Variants in IL1RAPL2 observed in about 807,000 individuals in gnomAD.
IL1RAPL2 encodes the protein interleukin 1 receptor accessory protein like 2, also known as X-linked interleukin-1 receptor accessory protein-like 2.
In IL1RAPL2, 3 loss-of-function variants were observed where a neutral mutation model predicts 44.1. That is an observed-to-expected ratio of 0.07 (90% CI 0.03 to 0.18). The LOEUF (loss-of-function observed/expected upper bound fraction) is 0.18, where lower values mean the gene tolerates loss of function less well. Ranked by LOEUF, IL1RAPL2 falls within the 10% of genes least tolerant of loss-of-function variation. IL1RAPL2 has a pLI of 1.00. For synonymous variants in IL1RAPL2, 181 were observed against 178.8 expected (o/e 1.01, Z -0.10); for missense variants, 391 against 496.4 (o/e 0.79, Z 2.02).
intron 6 of IL1RAPL2, among the ~76,000 whole-genome samples, chrX:105,580,741 G>A (rs962060325): frequency 9.0e-6 from 1 of 111,609 alleles, no homozygotes; most frequent in Non-Finnish European, 1.9e-5. Flanking sequence ...GGCATTGGCA[G>A]CTCTTTTAAT....
At chrX:104,609,700 C>A (rs893021691) in intron 1 of IL1RAPL2, among the ~76,000 whole-genome samples, 12 of 111,936 alleles carry the variant, frequency 1.1e-4, no homozygotes, top group African/African-American at 3.6e-4. Flanking sequence ...TCAGCCCCAT[C>A]AGGTCATTTG....
At position 105,321,858 on chromosome X, in the gene IL1RAPL2, A is replaced by G. The variant is rs750481088; in HGVS notation, c.697+54317A>G. On this transcript the variant is annotated intron_variant, in intron 5 of 10. Transcript: ENST00000372582. ...GAGATTGCTACAAAGGCTATCCAGT[A>G]TAAGCAATTGCTGAGTAACCAACAC... Among the ~76,000 whole-genome samples the G allele has an allele frequency of 8.0e-5, 9 of 113,052 alleles. No individual in the cohort carries two copies. The South Asian group carries it at 1.4e-3, about 18-fold the overall frequency.
At chrX:104,692,448 C>T (rs945922075) in intron 2 of IL1RAPL2, among the ~76,000 whole-genome samples, 19 of 109,166 alleles carry the variant, frequency 1.7e-4, no homozygotes, top group Non-Finnish European at 3.0e-4. Flanking sequence ...TGTGCTGCAC[C>T]CATTAACTCG....
At chrX:105,148,216 A>G (rs1207976632) in intron 2 of IL1RAPL2, among the ~76,000 whole-genome samples, 2 of 111,286 alleles carry the variant, frequency 1.8e-5, no homozygotes, top group Non-Finnish European at 3.8e-5. Flanking sequence ...CCATATATGG[A>G]CAGAGCTAAT....
At chrX:104,735,662 T>C (rs1956605078) in intron 2 of IL1RAPL2, among the ~76,000 whole-genome samples, 1 of 111,694 alleles carries the variant, frequency 9.0e-6, no homozygotes, top group African/African-American at 3.3e-5. Flanking sequence ...TGTGAATTGC[T>C]TTGTCTTTGA....
intron 5 of IL1RAPL2, among the ~76,000 whole-genome samples, chrX:105,466,307 GT>G (rs1279620101): frequency 9.2e-6 from 1 of 108,772 alleles, no homozygotes; most frequent in African/African-American, 3.4e-5. Context: ...GAAAACATAT[GT>G]TTTTAGCATA....
intron 2 of IL1RAPL2, among the ~76,000 whole-genome samples, chrX:104,906,576 G>C (rs1478717637): frequency 8.9e-5 from 10 of 111,890 alleles, no homozygotes; most frequent in Non-Finnish European, 1.7e-4. Flanking sequence ...TGTGGTTTTT[G>C]TCTTTGGCTC....
rs1446099790 is a variant in IL1RAPL2, at chrX:105,767,392, T to G, written c.1792T>G (p.Ser598Ala). The G allele has an allele frequency of 8.3e-7, 1 of 1,209,676 alleles. No homozygotes were observed. Among genetic ancestry groups the G allele is most frequent in the Admixed American group, 2.2e-5 (1 of 45,763 alleles). ...GACCAGTACTTCAGCCACTCTGGTG[T>G]CATCTCAGGCTGATCTCCCTGAATT... ...AMTSTSATLV[S>A]SQADLPEFHP... Residue 598 changes from serine to alanine, a missense_variant, in exon 11 of 11, where the codon TCA (serine) becomes GCA (alanine). Around this residue, in one of 2 missense-constraint regions of IL1RAPL2, gnomAD observed 232 missense variants for 244.8 expected, o/e 0.95. Coordinates refer to ENST00000372582, the MANE Select transcript of IL1RAPL2 (RefSeq NM_017416.2).
At chrX:104,841,546 T>C (rs1476642839) in intron 2 of IL1RAPL2, among the ~76,000 whole-genome samples, 2 of 112,016 alleles carry the variant, frequency 1.8e-5, no homozygotes, top group Non-Finnish European at 3.8e-5. Context: ...CTGTCCATAT[T>C]TAGTGCTTCC....
chrX:105,459,891 G>A (rs1292133466), intron 5 of IL1RAPL2, among the ~76,000 whole-genome samples: 1 of 111,058 alleles, frequency 9.0e-6, no homozygotes, highest in Non-Finnish European at 1.9e-5. Context: ...ACATTTCCAC[G>A]GGGAAAAAAT....
At chrX:105,496,945 T>G (rs968896802) in intron 6 of IL1RAPL2, among the ~76,000 whole-genome samples, 1 of 111,985 alleles carries the variant, frequency 8.9e-6, no homozygotes, top group Non-Finnish European at 1.9e-5. Context: ...AAGTAGCTCT[T>G]AAACTTTACA....
chrX:104,850,307 G>C (rs771618799), intron 2 of IL1RAPL2, among the ~76,000 whole-genome samples: 1 of 111,493 alleles, frequency 9.0e-6, no homozygotes, highest in South Asian at 3.7e-4. Context: ...ATTGTATAAG[G>C]AAAACAAAAT....
intron 2 of IL1RAPL2, among the ~76,000 whole-genome samples, chrX:104,744,139 C>G (rs1180356606): frequency 7.2e-5 from 8 of 110,378 alleles, no homozygotes; most frequent in Non-Finnish European, 1.3e-4. Context: ...AGGAAAGGGT[C>G]AGACACTGGT....
intron 2 of IL1RAPL2, among the ~76,000 whole-genome samples, chrX:105,113,771 T>C (rs969824185): frequency 1.8e-5 from 2 of 112,320 alleles, no homozygotes; most frequent in Non-Finnish European, 3.8e-5. Flanking sequence ...TTTTCAGTTA[T>C]TGCTGTTGCT....
At chrX:105,144,591 G>T (rs186550612) in intron 2 of IL1RAPL2, among the ~76,000 whole-genome samples, 43 of 111,224 alleles carry the variant, frequency 3.9e-4, no homozygotes, top group Admixed American at 1.6e-3. Flanking sequence ...TTCTTACTTT[G>T]CTTTTTAGTC....
chrX:105,399,297 A>T (rs1239796971), intron 5 of IL1RAPL2, among the ~76,000 whole-genome samples: 2 of 111,353 alleles, frequency 1.8e-5, no homozygotes, highest in Admixed American at 1.9e-4. Context: ...GTTACTATTT[A>T]CTAATGCCAC....
intron 2 of IL1RAPL2, among the ~76,000 whole-genome samples, chrX:104,946,811 A>G (rs1186957691): frequency 2.1e-5 from 2 of 95,271 alleles, no homozygotes; most frequent in Non-Finnish European, 4.2e-5. Flanking sequence ...AATCCAGTCT[A>G]TCATTGTTGG....
intron 5 of IL1RAPL2, among the ~76,000 whole-genome samples, chrX:105,355,496 C>T (rs1300000458): frequency 9.0e-6 from 1 of 111,300 alleles, no homozygotes; most frequent in Non-Finnish European, 1.9e-5. Flanking sequence ...GAGTACCTTT[C>T]CTTTACCATA....
intron 2 of IL1RAPL2, among the ~76,000 whole-genome samples, chrX:105,160,521 C>T (rs1467391488): frequency 4.5e-5 from 5 of 110,991 alleles, no homozygotes; most frequent in African/African-American, 1.6e-4. Flanking sequence ...ATTTAGAGGC[C>T]TTCCCCATTT....
Sources: allele counts gnomAD v4.1 joint callset (sites outside exome capture counted in the v4.1 genomes callset), GRCh38; gene constraint gnomAD v4.1.1; regional missense constraint gnomAD v4.1.1; transcripts MANE v1.5; gene names NCBI Gene and HGNC (gene_info 2026-07-23, HGNC 2026-07-21).